PRKN: variants seen among roughly 807,000 people sequenced by gnomAD.
The protein encoded by PRKN is parkin RBR E3 ubiquitin protein ligase.
A neutral mutation model predicts 59.5 loss-of-function variants in PRKN; 56 were observed. That is an observed-to-expected ratio of 0.94 (90% CI 0.76 to 1.18). The LOEUF (loss-of-function observed/expected upper bound fraction) is 1.18, where lower values mean the gene tolerates loss of function less well. Ranked by LOEUF, PRKN falls within the 50% of genes most tolerant of loss-of-function variation. The pLI is 0.00. For synonymous variants in PRKN, 250 were observed against 222.1 expected (o/e 1.13, Z -1.12); for missense variants, 657 against 596.4 (o/e 1.10, Z -1.06).
At chr6:162,532,062 C>T (rs34925881) in intron 1 of PRKN, among the ~76,000 whole-genome samples, 53,215 of 151,900 alleles carry the variant, frequency 0.35, 11,129 homozygotes, top group Middle Eastern at 0.51. Flanking sequence ...GCGTCAACCA[C>T]ATCTTCACTT....
At chr6:161,670,343 T>A (rs1207754370) in intron 7 of PRKN, among the ~76,000 whole-genome samples, 2 of 152,126 alleles carry the variant, frequency 1.3e-5, no homozygotes, top group African/African-American at 4.8e-5. Context: ...CGGGTGTTGG[T>A]GGAGCTGCTT....
chr6:162,534,224 T>G (rs1583747684), intron 1 of PRKN, among the ~76,000 whole-genome samples: 1 of 151,984 alleles, frequency 6.6e-6, no homozygotes, highest in East Asian at 1.9e-4. Context: ...GTCTTTGTCT[T>G]CCCCCACAGC....
rs78553643 is a variant in PRKN, at chr6:161,405,426, A to C, written c.1084-18549T>G. Among the ~76,000 whole-genome samples the C allele has an allele frequency of 6.6e-6, 1 of 151,808 alleles. No individual in the cohort carries two copies. Among genetic ancestry groups the C allele is most frequent in the East Asian group, 1.9e-4 (1 of 5,168 alleles). On this transcript the variant is annotated intron_variant, in intron 9 of 11. Transcript: ENST00000366898. The surrounding 1 kb of genome is among the most constrained non-coding windows in gnomAD (Gnocchi z 5.1). ...AACCCCGTCTCTACCGAAAATGCAC[A>C]AATTAGCCAGGCATGGTGGCACACA...
Position 162,018,966 on chromosome 6 carries a change from A to G in PRKN, c.618+35125T>C, listed in dbSNP as rs186126806. Among the ~76,000 whole-genome samples, 86 of 152,288 alleles carry G rather than the reference A, an allele frequency of 5.6e-4. 1 individual carries two copies. The highest frequency in any genetic ancestry group is 3.3e-3 in the Admixed American group (50 of 15,298). On this transcript the variant is annotated intron_variant, in intron 5 of 11. Coordinates refer to ENST00000366898, the MANE Select transcript of PRKN (RefSeq NM_004562.3). ...TATCACATCATTCTTTGCCTATTAT[A>G]TCACTACATTAAAATATCACAAATT...
At chr6:162,044,098 A>T (rs1224516070) in intron 5 of PRKN, among the ~76,000 whole-genome samples, 1 of 152,224 alleles carries the variant, frequency 6.6e-6, no homozygotes, top group Non-Finnish European at 1.5e-5. Context: ...GGATTCAAGG[A>T]AGGCAGAAAA....
At chr6:162,177,807 T>TA (rs1364377607) in intron 4 of PRKN, among the ~76,000 whole-genome samples, 1 of 152,034 alleles carries the variant, frequency 6.6e-6, no homozygotes, top group Non-Finnish European at 1.5e-5. Context: ...GCTGCCAGAT[T>TA]AAAAAAATAA....
intron 1 of PRKN, among the ~76,000 whole-genome samples, chr6:162,574,341 A>G (rs1171523789): frequency 6.6e-6 from 1 of 152,008 alleles, no homozygotes; most frequent in Non-Finnish European, 1.5e-5. Flanking sequence ...GTTTGCTTCA[A>G]GGTTACATCT....
intron 7 of PRKN, among the ~76,000 whole-genome samples, chr6:161,580,467 A>T (rs1010085392): frequency 2.6e-5 from 4 of 151,676 alleles, no homozygotes; most frequent in African/African-American, 9.7e-5. Context: ...TTTATAGACA[A>T]TTTTTTTGTT....
intron 2 of PRKN, among the ~76,000 whole-genome samples, chr6:162,281,613 G>T (rs1030228773): frequency 6.6e-6 from 1 of 152,084 alleles, no homozygotes; most frequent in African/African-American, 2.4e-5. Flanking sequence ...AGAAATCTTT[G>T]TTTTGGAATA....
At chr6:162,125,470 G>A (rs1428131352) in intron 4 of PRKN, among the ~76,000 whole-genome samples, 3 of 152,066 alleles carry the variant, frequency 2.0e-5, no homozygotes, top group African/African-American at 7.2e-5. Context: ...CCCTACAAAA[G>A]ACTTGAGCTG....
intron 4 of PRKN, among the ~76,000 whole-genome samples, chr6:162,101,504 TA>T (rs199662257): frequency 0.029 from 4,325 of 147,172 alleles, 222 homozygotes; most frequent in African/African-American, 0.1. Context: ...CTGTCTCTAC[TA>T]AAAAAAAAAT....
chr6:162,209,459 T>C (rs2128334172), intron 3 of PRKN, among the ~76,000 whole-genome samples: 1 of 152,186 alleles, frequency 6.6e-6, no homozygotes, highest in South Asian at 2.1e-4. Context: ...AAACAACAGA[T>C]GCTGGAGACG....
chr6:161,583,213 T>C (rs1323457540), intron 7 of PRKN, among the ~76,000 whole-genome samples: 1 of 152,208 alleles, frequency 6.6e-6, no homozygotes, highest in Non-Finnish European at 1.5e-5. Flanking sequence ...AGGTTATATA[T>C]AGTTCCTTTA....
intron 4 of PRKN, among the ~76,000 whole-genome samples, chr6:162,108,002 C>T (rs1168470066): frequency 3.3e-5 from 5 of 152,166 alleles, no homozygotes; most frequent in African/African-American, 9.6e-5. Flanking sequence ...ATACACTATG[C>T]ACTTCTTTAA....
At chr6:162,209,091 G>A (rs1160644392) in intron 3 of PRKN, among the ~76,000 whole-genome samples, 1 of 152,152 alleles carries the variant, frequency 6.6e-6, no homozygotes, top group African/African-American at 2.4e-5. Flanking sequence ...AGCCAAAATT[G>A]ACAAATGGGA....
intron 2 of PRKN, among the ~76,000 whole-genome samples, chr6:162,381,499 C>A (rs988432471): frequency 3.3e-4 from 50 of 152,156 alleles, no homozygotes; most frequent in African/African-American, 1.1e-3. Context: ...TAATTACATT[C>A]ACTTATACCC....
At chr6:162,516,749 C>T (rs139407033) in intron 1 of PRKN, among the ~76,000 whole-genome samples, 13,361 of 137,084 alleles carry the variant, frequency 0.097, 678 homozygotes, top group South Asian at 0.19. Flanking sequence ...GGCAACAGAG[C>T]GAGACTCTAC....
intron 1 of PRKN, among the ~76,000 whole-genome samples, chr6:162,721,568 C>T (rs1778943453): frequency 6.6e-6 from 1 of 152,128 alleles, no homozygotes; most frequent in Non-Finnish European, 1.5e-5. Context: ...CTAGTTAACT[C>T]CTACTTGTCC....
At chr6:162,375,595 CAAAACTCCAG>C (rs1047191722) in intron 2 of PRKN, among the ~76,000 whole-genome samples, 2 of 151,678 alleles carry the variant, frequency 1.3e-5, no homozygotes, top group African/African-American at 4.8e-5. Context: ...TGTAAATATT[CAAAACTCCAG>C]AAAAATAGTC....
Sources: gnomAD v4.1 joint callset for allele counts (sites outside exome capture counted in the v4.1 genomes callset) on GRCh38, gnomAD v4.1.1 for gene constraint, Gnocchi (gnomAD v3.1) non-coding constraint, MANE v1.5 for transcripts, NCBI Gene and HGNC (gene_info 2026-07-23, HGNC 2026-07-21) for gene names.